The following RBFOX3 variants were observed in gnomAD, a reference collection of about 807,000 sequenced individuals.
RBFOX3 encodes RNA binding protein fox-1 homolog 3.
In RBFOX3, 17 loss-of-function variants were observed where a neutral mutation model predicts 48.7. The ratio of observed to expected loss-of-function variants is 0.35; its 90% CI spans 0.24 to 0.52. The LOEUF is 0.52. Among genes scored for constraint, RBFOX3 ranks in the 20% least tolerant of loss-of-function variants. The pLI is 0.94. For missense variants in RBFOX3, 382 were observed against 497.5 expected, an observed-to-expected ratio of 0.77 and a Z score of 2.21; for synonymous variants, 212 against 209.5, an observed-to-expected ratio of 1.01 and a Z score of -0.10.
chr17:79,559,875 G>A (rs2092085199), intron 1 of RBFOX3, among the ~76,000 whole-genome samples: 1 of 144,544 alleles, frequency 6.9e-6, no homozygotes, highest in African/African-American at 2.6e-5. Flanking sequence ...ATGGTGAATA[G>A]TGGATGGTGG....
At chr17:79,340,676 C>T (rs942349569) in intron 2 of RBFOX3, among the ~76,000 whole-genome samples, 1 of 151,912 alleles carries the variant, frequency 6.6e-6, no homozygotes, top group African/African-American at 2.4e-5. Flanking sequence ...CCTGGAGACG[C>T]AAGCACTTGC....
chr17:79,644,294 T>TAAAG, the RBFOX3 span, among the ~76,000 whole-genome samples: 144,217 of 152,028 alleles, frequency 0.95, 68,741 homozygotes, highest in Non-Finnish European at 1. Context: ...TTGCAGAAAA[T>TAAAG]AAAGTAAAAT....
At chr17:79,521,423 C>T (rs1028203787) in intron 1 of RBFOX3, among the ~76,000 whole-genome samples, 1 of 151,902 alleles carries the variant, frequency 6.6e-6, no homozygotes, top group East Asian at 1.9e-4. Context: ...CTCACAGACT[C>T]ACACTCTCAT....
At chr17:79,487,372 G>A (rs1289110566) in intron 1 of RBFOX3, among the ~76,000 whole-genome samples, 1 of 152,232 alleles carries the variant, frequency 6.6e-6, no homozygotes, top group East Asian at 1.9e-4. Flanking sequence ...GCGTGGACTT[G>A]TGTTGACAAA....
chr17:79,165,890 C>T (rs1305646741), intron 4 of RBFOX3, among the ~76,000 whole-genome samples: 3 of 152,222 alleles, frequency 2.0e-5, no homozygotes, highest in African/African-American at 4.8e-5. Flanking sequence ...GGGCATTCTG[C>T]CTGCAGCAGG....
chr17:79,494,330 T>C (rs2081131368), intron 1 of RBFOX3, among the ~76,000 whole-genome samples: 5 of 152,168 alleles, frequency 3.3e-5, no homozygotes. Flanking sequence ...GCCTGAAGGC[T>C]GACTGTCCCC....
chr17:79,197,214 G>GGGGCTGTCCACATGCAGCCCTCCC (rs1286174780), intron 4 of RBFOX3, among the ~76,000 whole-genome samples: 52,433 of 151,258 alleles, frequency 0.35, 9,649 homozygotes, highest in South Asian at 0.49. Context: ...GCAGCCCTCC[G>GGGGCTGTCCACATGCAGCCCTCCC]TCGGGGCTGT....
upstream of RBFOX3, among the ~76,000 whole-genome samples, chr17:79,611,513 G>T (rs935187819): frequency 3.3e-5 from 5 of 152,116 alleles, no homozygotes; most frequent in South Asian, 1.0e-3. Context: ...CCCCAAGCCC[G>T]CTGCCCCTCC....
At chr17:79,523,285 G>A (rs1024945602) in intron 1 of RBFOX3, among the ~76,000 whole-genome samples, 6 of 152,132 alleles carry the variant, frequency 3.9e-5, no homozygotes, top group Non-Finnish European at 5.9e-5. Flanking sequence ...AAACGGTTAC[G>A]ACGGCAAATT....
rs370423739 is a variant in RBFOX3 at position 79,532,856 on chromosome 17, G to A, written c.-319-50258C>T. Among the ~76,000 whole-genome samples, 25 of 152,204 alleles carry A rather than the reference G, an allele frequency of 1.6e-4. No individual in the cohort carries two copies. In the East Asian group the frequency reaches 2.3e-3, roughly 14 times the overall value. On this transcript the variant is annotated intron_variant, in intron 1 of 14. Coordinates refer to ENST00000693108, the MANE Select transcript of RBFOX3 (RefSeq NM_001350451.2). The stretch of plus-strand genomic sequence containing the variant: ...GTGTGTGTGTGCACGCATGCACGCC[G>A]CCTGTCAGGGAAGGGGTGGCCCCTG...
intron 2 of RBFOX3, among the ~76,000 whole-genome samples, chr17:79,381,902 G>T (rs970919905): frequency 6.6e-6 from 1 of 152,144 alleles, no homozygotes; most frequent in Non-Finnish European, 1.5e-5. Flanking sequence ...GCCCAGGGGT[G>T]CACTGAGGAA....
At chr17:79,279,121 G>A (rs756948106) in intron 3 of RBFOX3, among the ~76,000 whole-genome samples, 20 of 152,076 alleles carry the variant, frequency 1.3e-4, no homozygotes, top group Non-Finnish European at 2.4e-4. Context: ...CGTGATAGGA[G>A]GAGGAGGAGA....
chr17:79,554,426 T>C (rs1413118099), intron 1 of RBFOX3, among the ~76,000 whole-genome samples: 61 of 33,516 alleles, frequency 1.8e-3, no homozygotes, highest in Middle Eastern at 0.016. Flanking sequence ...CAGTCACCCC[T>C]CACCTGGCCC....
At chr17:79,526,340 G>T (rs1435539901) in intron 1 of RBFOX3, among the ~76,000 whole-genome samples, 1 of 152,178 alleles carries the variant, frequency 6.6e-6, no homozygotes, top group Non-Finnish European at 1.5e-5. Context: ...CTACGAAACG[G>T]GACCAGGCGT....
intron 4 of RBFOX3, among the ~76,000 whole-genome samples, chr17:79,179,767 T>A (rs2051452656): frequency 6.6e-6 from 1 of 152,224 alleles, no homozygotes; most frequent in African/African-American, 2.4e-5. Context: ...GTCCTGCTGA[T>A]GGTCTAGATT....
intron 3 of RBFOX3, among the ~76,000 whole-genome samples, chr17:79,295,013 C>G (rs2074097710): frequency 6.6e-6 from 1 of 152,178 alleles, no homozygotes; most frequent in Admixed American, 6.5e-5. Context: ...GTGTGGTCTT[C>G]CACTTCGATC....
intron 1 of RBFOX3, among the ~76,000 whole-genome samples, chr17:79,572,666 G>A (rs932857775): frequency 6.6e-6 from 1 of 152,228 alleles, no homozygotes; most frequent in African/African-American, 2.4e-5. Context: ...TATTAACAAA[G>A]GCAGGAGGGC....
chr17:79,376,146 C>G (rs1031259314), intron 2 of RBFOX3, among the ~76,000 whole-genome samples: 1 of 152,200 alleles, frequency 6.6e-6, no homozygotes, highest in Non-Finnish European at 1.5e-5. Flanking sequence ...CCCAAGTCAA[C>G]ACCCCCTCCT....
At position 79,254,495 on chromosome 17, in the gene RBFOX3, C is replaced by T. The variant is rs1291597391; in HGVS notation, c.-73-18690G>A. Among the ~76,000 whole-genome samples, 2 of 152,108 alleles carry T rather than the reference C, an allele frequency of 1.3e-5. No homozygotes were observed. The highest frequency in any genetic ancestry group is 6.5e-5 in the Admixed American group (1 of 15,278). The stretch of plus-strand genomic sequence containing the variant: ...CCTCTGAACATAGATGGAGGGAAGC[C>T]CTTGAGTTGCTAAGCCTGTAGGTGA... On this transcript the variant is annotated intron_variant, in intron 3 of 14. Coordinates refer to ENST00000693108, the MANE Select transcript of RBFOX3 (RefSeq NM_001350451.2). This position sits in a 1 kb window ranked among gnomAD's most constrained non-coding sequence, Gnocchi z 4.8.
Sources: allele counts gnomAD v4.1 joint callset (sites outside exome capture counted in the v4.1 genomes callset), GRCh38; gene constraint gnomAD v4.1.1; non-coding constraint Gnocchi (gnomAD v3.1); transcripts MANE v1.5; gene names NCBI Gene and HGNC (gene_info 2026-07-23, HGNC 2026-07-21).